The following JAM2 variants were observed in gnomAD, a reference collection of about 807,000 sequenced individuals.
JAM2 encodes junctional adhesion molecule B.
JAM2 carries 17 observed loss-of-function variants against 42.0 expected under a neutral mutation model. The observed-to-expected ratio is 0.40, with a 90% CI of 0.28 to 0.61. JAM2 has a LOEUF of 0.61. Among genes scored for constraint, JAM2 ranks in the 20% least tolerant of loss-of-function variants. The probability of loss-of-function intolerance (pLI) is 0.37; values close to 1 mark genes in which losing one functional copy is unlikely to be tolerated. For missense variants in JAM2, 319 were observed against 358.3 expected, an observed-to-expected ratio of 0.89 and a Z score of 0.89; for synonymous variants, 118 against 128.6, an observed-to-expected ratio of 0.92 and a Z score of 0.56.
intron 1 of JAM2, among the ~76,000 whole-genome samples, chr21:25,666,536 G>C (rs1306575739): frequency 6.6e-6 from 1 of 151,866 alleles, no homozygotes; most frequent in Non-Finnish European, 1.5e-5. Flanking sequence ...TGTTGGCCAG[G>C]CTATTTTTTT....
chr21:25,639,705 C>A lies in JAM2; in HGVS notation c.-117C>A. 3 of 631,030 alleles carry A rather than the reference C, an allele frequency of 4.8e-6. No homozygotes were observed. The highest frequency in any genetic ancestry group is 3.0e-5 in the East Asian group (1 of 33,150). The allele number at this position is 631,030 out of a possible 1,614,324, so 39.1% of individuals were successfully genotyped here. ...ATCTAGAGCCGTCCCTCCTCTTCCTCCCCTCCCGACTCTCTGCTCCTTTCC... is the reference window on the plus strand; with the variant it reads ...ATCTAGAGCCGTCCCTCCTCTTCCTACCCTCCCGACTCTCTGCTCCTTTCC... On this transcript the variant is annotated 5_prime_UTR_variant, in exon 1 of 10. Coordinates refer to ENST00000480456, the MANE Select transcript of JAM2 (RefSeq NM_021219.4).
chr21:25,679,086 C>T (rs536536398), intron 1 of JAM2, among the ~76,000 whole-genome samples: 24 of 152,318 alleles, frequency 1.6e-4, no homozygotes, highest in African/African-American at 5.8e-4. Context: ...CAAATTTTAA[C>T]TTCACAATTA....
At chr21:25,660,230 T>C (rs762382931) in intron 1 of JAM2, among the ~76,000 whole-genome samples, 13 of 152,150 alleles carry the variant, frequency 8.5e-5, no homozygotes, top group Non-Finnish European at 2.9e-5. Context: ...CCTCTTATAG[T>C]TTTATTGTGA....
chr21:25,678,983 G>T (rs550873304), intron 1 of JAM2, among the ~76,000 whole-genome samples: 1 of 152,082 alleles, frequency 6.6e-6, no homozygotes, highest in South Asian at 2.1e-4. Context: ...AAAATTTTTT[G>T]TAGAGATGGG....
At chr21:25,639,933 G>T in intron 1 of JAM2, 45 bp downstream of exon 1, 1 of 1,380,040 alleles carries the variant, frequency 7.2e-7, no homozygotes, top group Non-Finnish European at 1.0e-6. Context: ...GGACCAGCCT[G>T]CCCCCACCCT....
rs2034488345 is a variant in JAM2 at position 25,716,777 on chromosome 21, C to A, written c.*2105C>A. The A allele has an allele frequency of 6.6e-6, 1 of 152,172 alleles. No homozygotes were observed. The highest frequency in any genetic ancestry group is 1.5e-5 in the Non-Finnish European group (1 of 68,036). The allele number at this position is 152,172 out of a possible 1,614,324, so 9.4% of individuals were successfully genotyped here. Reference sequence around the variant, plus strand: ...CATGGTGGTGAAGTACAGAAAAAAACACCTGTCTACAAGCTTTTGTAAGAA... The same window carrying A: ...CATGGTGGTGAAGTACAGAAAAAAAAACCTGTCTACAAGCTTTTGTAAGAA... On this transcript the variant is annotated 3_prime_UTR_variant, in exon 10 of 10. Coordinates refer to ENST00000480456, the MANE Select transcript of JAM2 (RefSeq NM_021219.4).
At position 25,698,728 on chromosome 21, in the gene JAM2, C is replaced by G. The variant is rs768928790; in HGVS notation, c.446C>G (p.Thr149Ser). 2 of 1,614,164 alleles carry G rather than the reference C, an allele frequency of 1.2e-6. No individual in the cohort carries two copies. Among genetic ancestry groups the G allele is most frequent in the Non-Finnish European group, 1.7e-6 (2 of 1,180,008 alleles). Residue 149 changes from threonine (T) to serine (S), a missense_variant, in exon 5 of 10, where the codon ACT becomes AGT. By Grantham distance (58) the Thr-to-Ser change is moderately conservative (BLOSUM62 1). Coordinates refer to ENST00000480456, the MANE Select transcript of JAM2 (RefSeq NM_021219.4). ...CEVPSSALSGTVVELRCQDKE... is the reference protein window; with the variant it reads ...CEVPSSALSGSVVELRCQDKE... ...GTACCCTCTTCTGCTCTGAGTGGAACTGTGGTAGAGCTACGATGTCAAGAC... is the reference window on the plus strand; with the variant it reads ...GTACCCTCTTCTGCTCTGAGTGGAAGTGTGGTAGAGCTACGATGTCAAGAC...
chr21:25,697,192 G>A (rs747458711), intron 4 of JAM2, among the ~76,000 whole-genome samples: 3 of 152,010 alleles, frequency 2.0e-5, no homozygotes. Flanking sequence ...TAATCAGCCA[G>A]AGAAAACTCT....
At chr21:25,644,863 T>G (rs994440041) in intron 1 of JAM2, among the ~76,000 whole-genome samples, 2 of 75,164 alleles carry the variant, frequency 2.7e-5, no homozygotes, top group African/African-American at 8.3e-5. Flanking sequence ...GTTGGTTTTT[T>G]GGTTTTGTTT....
At position 25,693,837 on chromosome 21, in the gene JAM2, G is replaced by T; in HGVS notation, c.323G>T (p.Arg108Leu). The change falls in exon 4 of 10, where the codon CGT (arginine) becomes CTT (leucine). Residue 108 changes from arginine (R) to leucine (L), a missense_variant. By Grantham distance (102) the Arg-to-Leu change is moderately radical (BLOSUM62 -2). Transcript: ENST00000480456. Reference sequence around the variant, plus strand: ...ACAAGAAGTGATGCGGGGAAATATCGTTGTGAAGTTAGTGCCCCATCTGAG... The same window carrying T: ...ACAAGAAGTGATGCGGGGAAATATCTTTGTGAAGTTAGTGCCCCATCTGAG... ...NVTRSDAGKYRCEVSAPSEQG... is the reference protein window; with the variant it reads ...NVTRSDAGKYLCEVSAPSEQG... 1 of 1,614,042 alleles carries T rather than the reference G, an allele frequency of 6.2e-7. No individual in the cohort carries two copies. The highest frequency in any genetic ancestry group is 8.5e-7 in the Non-Finnish European group (1 of 1,179,904).
intron 1 of JAM2, among the ~76,000 whole-genome samples, chr21:25,656,798 A>C (rs2032951276): frequency 1.3e-5 from 2 of 152,222 alleles, no homozygotes; most frequent in African/African-American, 4.8e-5. Flanking sequence ...ATATATTCAG[A>C]GTCCTAATAA....
intron 5 of JAM2, among the ~76,000 whole-genome samples, 164 bp downstream of exon 5, chr21:25,699,043 G>C (rs897198932): frequency 2.8e-4 from 43 of 152,206 alleles, no homozygotes; most frequent in African/African-American, 1.0e-3. Context: ...CGAAGTGATG[G>C]AAAGAGCTAC....
intron 5 of JAM2, among the ~76,000 whole-genome samples, chr21:25,699,449 G>A (rs1018523806): frequency 5.3e-5 from 8 of 152,056 alleles, no homozygotes; most frequent in Admixed American, 1.3e-4. Flanking sequence ...GCGGCCGGGC[G>A]CAGTGGCTCA....
chr21:25,686,553 C>A (rs1362700440), intron 2 of JAM2, among the ~76,000 whole-genome samples: 1 of 152,246 alleles, frequency 6.6e-6, no homozygotes, highest in East Asian at 1.9e-4. Flanking sequence ...TGCTGTATCA[C>A]TTCCCATGAT....
Position 25,702,239 on chromosome 21 carries a change from C to G in JAM2, c.667C>G (p.Arg223Gly). 1 of 1,596,252 alleles carries G rather than the reference C, an allele frequency of 6.3e-7. No individual in the cohort carries two copies. Among genetic ancestry groups the G allele is most frequent in the African/African-American group, 1.3e-5 (1 of 74,886 alleles). Reference protein sequence around the residue: ...SCEARNSVGYRRCPGKRMQVD... With the variant: ...SCEARNSVGYGRCPGKRMQVD... Reference sequence around the variant, plus strand: ...TGAAGCCCGCAATTCTGTTGGATATCGCAGGTGTCCTGGGAAACGAATGCA... The same window carrying G: ...TGAAGCCCGCAATTCTGTTGGATATGGCAGGTGTCCTGGGAAACGAATGCA... The change falls in exon 6 of 10, where the codon CGC becomes GGC. Residue 223 changes from arginine to glycine, a missense_variant. Physicochemically the swap from Arg to Gly is moderately radical, Grantham distance 125. Coordinates refer to ENST00000480456, the MANE Select transcript of JAM2 (RefSeq NM_021219.4).
chr21:25,677,195 C>T (rs1236381062), intron 1 of JAM2, among the ~76,000 whole-genome samples: 1 of 148,756 alleles, frequency 6.7e-6, no homozygotes, highest in East Asian at 2.0e-4. Context: ...TTTATACACA[C>T]AAAAAGAAAA....
intron 1 of JAM2, among the ~76,000 whole-genome samples, chr21:25,658,630 A>G (rs1014863599): frequency 6.6e-6 from 1 of 152,158 alleles, no homozygotes; most frequent in Non-Finnish European, 1.5e-5. Flanking sequence ...TGCAATGTCA[A>G]TTGTTATCTA....
At chr21:25,705,923 C>A (rs2034260826) in intron 6 of JAM2, 56 bp from the exon 7 acceptor site, 10 of 1,154,594 alleles carry the variant, frequency 8.7e-6, no homozygotes, top group Admixed American at 5.1e-5. Flanking sequence ...AATTTAATGA[C>A]TGCATCTGTC....
chr21:25,692,838 T>C (rs951783918), intron 3 of JAM2, among the ~76,000 whole-genome samples: 2 of 152,242 alleles, frequency 1.3e-5, no homozygotes, highest in African/African-American at 4.8e-5. Flanking sequence ...TGTTTTCACA[T>C]GGCCTTATGT....
Sources: gnomAD v4.1 joint callset for allele counts (sites outside exome capture counted in the v4.1 genomes callset) on GRCh38, gnomAD v4.1.1 for gene constraint, MANE v1.5 for transcripts, NCBI Gene and HGNC (gene_info 2026-07-23, HGNC 2026-07-21) for gene names.